Variants in CPLX2 observed in about 807,000 individuals in gnomAD.
CPLX2 encodes complexin 2.
A neutral mutation model predicts 16.3 loss-of-function variants in CPLX2; 5 were observed. The ratio of observed to expected loss-of-function variants is 0.31; its 90% CI spans 0.16 to 0.64. The LOEUF (loss-of-function observed/expected upper bound fraction) is 0.64, where lower values mean the gene tolerates loss of function less well. Among genes scored for constraint, CPLX2 ranks in the 30% least tolerant of loss-of-function variants. CPLX2 has a pLI of 0.79. For missense variants in CPLX2, 144 were observed against 181.4 expected (o/e 0.79, Z 1.18); for synonymous variants, 89 against 73.2 (o/e 1.22, Z -1.10).
At chr5:175,801,362 A>G (rs1180639288) in intron 1 of CPLX2, among the ~76,000 whole-genome samples, 2 of 152,162 alleles carry the variant, frequency 1.3e-5, no homozygotes, top group East Asian at 3.9e-4. Context: ...CCATTGTGGG[A>G]ACAGAGACAA....
Position 175,808,351 on chromosome 5 carries a change from C to T in CPLX2, c.-168-638C>T, listed in dbSNP as rs1432274476. On this transcript the variant is annotated intron_variant, in intron 1 of 4. Transcript: ENST00000359546. The stretch of plus-strand genomic sequence containing the variant: ...TTACTGGCACCTACAATCTGCCCGG[C>T]CCCGTGCAGAGCTCTGGAAACAAAG... Among the ~76,000 whole-genome samples, 3 of 152,060 alleles carry T rather than the reference C, an allele frequency of 2.0e-5. No individual in the cohort carries two copies. In the East Asian group the frequency reaches 5.8e-4, roughly 29 times the overall value.
chr5:175,837,798 CAT>C (rs929052380), intron 2 of CPLX2: 58 of 152,358 alleles, frequency 3.8e-4, no homozygotes, highest in African/African-American at 1.4e-3. Flanking sequence ...GTAAAATGTA[CAT>C]GATGCTCCCT....
At chr5:175,832,808 G>T (rs537458031) in intron 2 of CPLX2, among the ~76,000 whole-genome samples, 1 of 152,194 alleles carries the variant, frequency 6.6e-6, no homozygotes, top group East Asian at 1.9e-4. Context: ...ACCCAGGCAG[G>T]CCCCACACAT....
chr5:175,807,287 T>C (rs1758225622), intron 1 of CPLX2, among the ~76,000 whole-genome samples: 1 of 152,210 alleles, frequency 6.6e-6, no homozygotes. Context: ...AACAAAAGTT[T>C]ACTAAGCACA....
intron 2 of CPLX2, among the ~76,000 whole-genome samples, chr5:175,821,589 G>A (rs948531109): frequency 2.6e-5 from 4 of 151,822 alleles, no homozygotes; most frequent in African/African-American, 7.3e-5. Flanking sequence ...TGTATTTTTA[G>A]TAGAGACGGG....
Position 175,831,243 on chromosome 5 carries a change from G to A in CPLX2, c.-89+22175G>A, listed in dbSNP as rs536033906. On this transcript the variant is annotated intron_variant, in intron 2 of 4. Transcript: ENST00000359546. ...ATACATGGGCAGAATGTTAGAAGTA[G>A]GAAGAGCATTCGCTCTCTCCAGCTC... 7.7e-4 allele frequency among the ~76,000 whole-genome samples: 117 copies of A among 152,288 alleles called. 2 individuals are homozygous for A. The South Asian group carries it at 0.024, about 31-fold the overall frequency.
chr5:175,804,802 TG>T (rs1758166184), intron 1 of CPLX2, among the ~76,000 whole-genome samples: 2 of 152,186 alleles, frequency 1.3e-5, no homozygotes, highest in Admixed American at 1.3e-4. Context: ...TAAATGTTAG[TG>T]CTACTCCCCT....
chr5:175,880,055 C>G lies in CPLX2; in HGVS notation c.*10C>G. Reference sequence around the variant, plus strand: ...CATGTTCAAGAAGTAACCAGGCCTCCTGCCCCAGCCTACTCCACCTGTTAC... The same window carrying G: ...CATGTTCAAGAAGTAACCAGGCCTCGTGCCCCAGCCTACTCCACCTGTTAC... On this transcript the variant is annotated 3_prime_UTR_variant, in exon 4 of 4. Coordinates refer to ENST00000393745, the MANE Select transcript of CPLX2 (RefSeq NM_001008220.2). 1 of 1,607,752 alleles carries G rather than the reference C, an allele frequency of 6.2e-7. No individual in the cohort carries two copies. The highest frequency in any genetic ancestry group is 8.5e-7 in the Non-Finnish European group (1 of 1,177,030).
At chr5:175,806,813 T>C in intron 1 of CPLX2, among the ~76,000 whole-genome samples, 1 of 152,178 alleles carries the variant, frequency 6.6e-6, no homozygotes, top group East Asian at 1.9e-4. Context: ...TATGAAGTTT[T>C]TATGTCTCAC....
chr5:175,856,708 T>C (rs1313004467), intron 2 of CPLX2, among the ~76,000 whole-genome samples: 1 of 151,990 alleles, frequency 6.6e-6, no homozygotes, highest in African/African-American at 2.4e-5. Context: ...GAGATGACGA[T>C]GGCAGCCTCT....
chr5:175,821,634 C>G (rs1379996134), intron 2 of CPLX2, among the ~76,000 whole-genome samples: 1 of 152,210 alleles, frequency 6.6e-6, no homozygotes, highest in Non-Finnish European at 1.5e-5. Context: ...TCATGAATTC[C>G]TGACCTCCAG....
At chr5:175,801,326 A>G (rs547300186) in intron 1 of CPLX2, among the ~76,000 whole-genome samples, 1 of 152,346 alleles carries the variant, frequency 6.6e-6, no homozygotes, top group East Asian at 1.9e-4. Context: ...GCAAGCAAGA[A>G]CAACAGTAGC....
intron 1 of CPLX2, among the ~76,000 whole-genome samples, chr5:175,799,927 G>T (rs1758061480): frequency 6.6e-6 from 1 of 152,004 alleles, no homozygotes. Context: ...GTTCTCATGA[G>T]CAAAAGGCTG....
At chr5:175,800,820 T>C (rs79446097) in intron 1 of CPLX2, among the ~76,000 whole-genome samples, 1 of 152,170 alleles carries the variant, frequency 6.6e-6, no homozygotes, top group Non-Finnish European at 1.5e-5. Flanking sequence ...GGCACAGTCA[T>C]TGATAACAAT....
intron 2 of CPLX2, among the ~76,000 whole-genome samples, chr5:175,829,805 G>A (rs949578561): frequency 1.1e-4 from 16 of 152,182 alleles, no homozygotes; most frequent in African/African-American, 7.2e-5. Context: ...CCAGAGATGC[G>A]GTCCTGACCC....
chr5:175,836,192 TAC>T (rs1413337318), intron 2 of CPLX2, among the ~76,000 whole-genome samples: 7 of 151,954 alleles, frequency 4.6e-5, no homozygotes, highest in African/African-American at 1.4e-4. Flanking sequence ...CTACTAAAAA[TAC>T]AAAAAATTAG....
At chr5:175,838,540 G>A (rs1758886113) in intron 2 of CPLX2, among the ~76,000 whole-genome samples, 1 of 151,852 alleles carries the variant, frequency 6.6e-6, no homozygotes, top group East Asian at 1.9e-4. Flanking sequence ...AAGTGCGCGT[G>A]AGCCACCGCG....
chr5:175,866,526 G>T (rs999507206), intron 2 of CPLX2, among the ~76,000 whole-genome samples: 1 of 152,024 alleles, frequency 6.6e-6, no homozygotes, highest in African/African-American at 2.4e-5. Flanking sequence ...GATATACAGG[G>T]CTACAGTGTG....
intron 2 of CPLX2, among the ~76,000 whole-genome samples, chr5:175,824,655 C>T (rs1581077482): frequency 6.6e-6 from 1 of 152,368 alleles, no homozygotes; most frequent in East Asian, 1.9e-4. Context: ...TGAGAGCCAG[C>T]ACCTTCATTG....
Sources: allele counts gnomAD v4.1 joint callset (sites outside exome capture counted in the v4.1 genomes callset), GRCh38; gene constraint gnomAD v4.1.1; transcripts MANE v1.5; gene names NCBI Gene and HGNC (gene_info 2026-07-23, HGNC 2026-07-21).